The following SOAT2 variants were observed in gnomAD, a reference collection of about 807,000 sequenced individuals.
The protein encoded by SOAT2 is sterol O-acyltransferase 2.
In SOAT2, 87 loss-of-function variants were observed where a neutral mutation model predicts 76.0. That is an observed-to-expected ratio of 1.14 (90% CI 0.96 to 1.37). The LOEUF is 1.37. Among genes scored for constraint, SOAT2 ranks in the 40% most tolerant of loss-of-function variants. The pLI is 0.00. For missense variants in SOAT2, 686 were observed against 682.1 expected, an observed-to-expected ratio of 1.01 and a Z score of -0.06; for synonymous variants, 285 against 275.4, an observed-to-expected ratio of 1.03 and a Z score of -0.34.
chr12:53,121,277 C>A lies in SOAT2; in HGVS notation c.1138-26C>A, dbSNP rs373702987. 4.5e-6 allele frequency: 7 copies of A among 1,565,004 alleles called. No homozygotes were observed. In the East Asian group the frequency reaches 1.6e-4, roughly 35 times the overall value. On this transcript the variant is annotated intron_variant, in intron 11 of 14. Transcript: ENST00000301466. ...CCCAGATGCTTGCTTACCTCCTTTCCCCCACTCTGACCCCACCTTCTCCAG... is the reference window on the plus strand; with the variant it reads ...CCCAGATGCTTGCTTACCTCCTTTCACCCACTCTGACCCCACCTTCTCCAG...
chr12:53,110,341 C>A (rs768834139), intron 5 of SOAT2, among the ~76,000 whole-genome samples: 1 of 152,144 alleles, frequency 6.6e-6, no homozygotes, highest in Non-Finnish European at 1.5e-5. Flanking sequence ...CTTATTCCAG[C>A]GTCTAACTCC....
rs1469059492 is a variant in SOAT2 at position 53,105,228 on chromosome 12, C to T, written c.260C>T (p.Pro87Leu). Residue 87 changes from proline to leucine, a missense_variant, in exon 3 of 15, where the codon CCA (proline) becomes CTA (leucine). Physicochemically the swap from Pro to Leu is moderately conservative, Grantham distance 98. Coordinates refer to ENST00000301466, the MANE Select transcript of SOAT2 (RefSeq NM_003578.4). ...GACAAACCTCTGCCCCCACCTCCCC[C>T]AGGTTCCTTGAGCAGGTGAGTCTGG... Reference protein sequence around the residue: ...SQDKPLPPPPPGSLSRTQEPS... With the variant: ...SQDKPLPPPPLGSLSRTQEPS... The T allele has an allele frequency of 6.2e-7, 1 of 1,604,012 alleles. No homozygotes were observed. The highest frequency in any genetic ancestry group is 8.5e-7 in the Non-Finnish European group (1 of 1,175,572).
At chr12:53,115,724 C>A in intron 6 of SOAT2, 70 bp downstream of exon 6, 1 of 1,433,130 alleles carries the variant, frequency 7.0e-7, no homozygotes, top group Non-Finnish European at 9.1e-7. Context: ...GAGGGGGAGT[C>A]CCCCAAAGAG....
chr12:53,112,172 A>C (rs1209120689), intron 5 of SOAT2, among the ~76,000 whole-genome samples: 1 of 152,182 alleles, frequency 6.6e-6, no homozygotes, highest in Non-Finnish European at 1.5e-5. Context: ...TAAAAACCCC[A>C]GAGTAGCTTC....
Position 53,119,145 on chromosome 12 carries a change from G to A in SOAT2, c.931G>A (p.Ala311Thr). The A allele has an allele frequency of 1.9e-6, 3 of 1,613,894 alleles. No individual in the cohort carries two copies. The highest frequency in any genetic ancestry group is 2.5e-6 in the Non-Finnish European group (3 of 1,179,938). The change falls in exon 10 of 15, where the codon GCC becomes ACC. Residue 311 changes from alanine to threonine, a missense_variant. Physicochemically the swap from Ala to Thr is moderately conservative, Grantham distance 58. Transcript: ENST00000301466. ...FAQALGCVLY[A>T]CFILGRLCVP... ...CCAGGCCCTGGGATGTGTGCTCTAT[G>A]CCTGCTTCATCCTGGGCCGCCTCTG... is the stretch of plus-strand genomic sequence containing the variant.
chr12:53,115,423 C>A lies in SOAT2; in HGVS notation c.477C>A (p.Ser159Arg). 1 of 1,611,234 alleles carries A rather than the reference C, an allele frequency of 6.2e-7. No homozygotes were observed. The highest frequency in any genetic ancestry group is 1.1e-5 in the South Asian group (1 of 90,874). ...TGGAGTTTGACCTACTGATCTTCAGCTTCGGACAGCTGCCATTGGCGCTGG... is the reference window on the plus strand; with the variant it reads ...TGGAGTTTGACCTACTGATCTTCAGATTCGGACAGCTGCCATTGGCGCTGG... Reference protein sequence around the residue: ...LLLEFDLLIFSFGQLPLALVT... With the variant: ...LLLEFDLLIFRFGQLPLALVT... The change falls in exon 6 of 15, where the codon AGC becomes AGA. Residue 159 changes from serine to arginine, a missense_variant. Coordinates refer to ENST00000301466, the MANE Select transcript of SOAT2 (RefSeq NM_003578.4).
At chr12:53,104,602 G>A (rs971437483) in intron 2 of SOAT2, among the ~76,000 whole-genome samples, 1 of 152,056 alleles carries the variant, frequency 6.6e-6, no homozygotes, top group Non-Finnish European at 1.5e-5. Flanking sequence ...TGCAAAGATC[G>A]GATTCGAATT....
At chr12:53,122,749 G>A (rs1364250119) in intron 12 of SOAT2, among the ~76,000 whole-genome samples, 2 of 152,126 alleles carry the variant, frequency 1.3e-5, no homozygotes, top group Admixed American at 6.5e-5. Flanking sequence ...CACAGACACC[G>A]CAACCATCCG....
At chr12:53,110,897 T>C (rs1457904264) in intron 5 of SOAT2, among the ~76,000 whole-genome samples, 2 of 152,134 alleles carry the variant, frequency 1.3e-5, no homozygotes, top group Non-Finnish European at 2.9e-5. Flanking sequence ...TTTTACCTTG[T>C]TTTATATATA....
chr12:53,117,914 C>T (rs537521949), intron 7 of SOAT2, among the ~76,000 whole-genome samples: 5 of 152,220 alleles, frequency 3.3e-5, no homozygotes, highest in Admixed American at 1.3e-4. Flanking sequence ...GAGCACTTGC[C>T]GTTGGAAAAA....
At chr12:53,121,869 C>A (rs113591060) in intron 12 of SOAT2, among the ~76,000 whole-genome samples, 2 of 130,954 alleles carry the variant, frequency 1.5e-5, no homozygotes, top group South Asian at 4.8e-4. Context: ...TAGAGTGGCA[C>A]GATCTTGGCT....
intron 11 of SOAT2, among the ~76,000 whole-genome samples, 189 bp from the exon 12 acceptor site, chr12:53,121,114 G>C (rs1382700012): frequency 2.0e-5 from 3 of 152,242 alleles, no homozygotes; most frequent in Non-Finnish European, 4.4e-5. Flanking sequence ...GAGAGAGGGA[G>C]TAGGAGGGAG....
chr12:53,123,005 G>C (rs531513786), intron 12 of SOAT2, 76 bp from the exon 13 acceptor site: 21 of 1,432,178 alleles, frequency 1.5e-5, no homozygotes, highest in Admixed American at 5.7e-5. Flanking sequence ...CTGGCCGGGC[G>C]GGGGGCTGGA....
intron 5 of SOAT2, among the ~76,000 whole-genome samples, chr12:53,110,890 T>A (rs1367204435): frequency 6.6e-6 from 1 of 152,178 alleles, no homozygotes; most frequent in Non-Finnish European, 1.5e-5. Context: ...CTGTTTTTTT[T>A]ACCTTGTTTT....
Position 53,123,132 on chromosome 12 carries a change from T to G in SOAT2, c.1288T>G (p.Ser430Ala), listed in dbSNP as rs1246614219. The change falls in exon 13 of 15, where the codon TCC (serine) becomes GCC (alanine). Residue 430 changes from serine (S) to alanine (A), a missense_variant. Transcript: ENST00000301466. ...GVAMLGVFLV[S>A]AVAHEYIFCF... ...AGCCATGCTGGGTGTGTTCCTGGTC[T>G]CCGCAGTGGCCCATGAGTATATCTT... 6.2e-7 allele frequency: 1 copy of G among 1,614,006 alleles called. No individual in the cohort carries two copies. Among genetic ancestry groups the G allele is most frequent in the Non-Finnish European group, 8.5e-7 (1 of 1,179,942 alleles).
intron 9 of SOAT2, 70 bp from the exon 10 acceptor site, chr12:53,119,054 G>A: frequency 1.2e-5 from 20 of 1,610,562 alleles, no homozygotes; most frequent in South Asian, 8.8e-5. Context: ...GCCAGTGCTG[G>A]GCCAGAGGTC....
At chr12:53,122,231 A>G (rs995370827) in intron 12 of SOAT2, among the ~76,000 whole-genome samples, 2 of 106,280 alleles carry the variant, frequency 1.9e-5, no homozygotes, top group African/African-American at 3.7e-5. Context: ...TTTTTTGACC[A>G]TTGGGAGGTA....
chr12:53,104,288 A>C, intron 2 of SOAT2, 82 bp downstream of exon 2: 12 of 750,376 alleles, frequency 1.6e-5, no homozygotes, highest in Admixed American at 2.9e-5. Flanking sequence ...GATAAAGATG[A>C]CTTTTTTTTT....
chr12:53,119,568 CA>C (rs1938159301), intron 10 of SOAT2, among the ~76,000 whole-genome samples: 2 of 150,016 alleles, frequency 1.3e-5, no homozygotes. Context: ...AGTGATAAGT[CA>C]ATGCTGGCAC....
Sources: allele counts gnomAD v4.1 joint callset (sites outside exome capture counted in the v4.1 genomes callset), GRCh38; gene constraint gnomAD v4.1.1; transcripts MANE v1.5; gene names NCBI Gene and HGNC (gene_info 2026-07-23, HGNC 2026-07-21).